The following ANTXR2 variants were observed in gnomAD, a reference collection of about 807,000 sequenced individuals.
The protein encoded by ANTXR2 is anthrax toxin receptor 2.
In ANTXR2, 44 loss-of-function variants were observed where a neutral mutation model predicts 73.7. That is an observed-to-expected ratio of 0.60 (90% CI 0.47 to 0.77). The LOEUF (loss-of-function observed/expected upper bound fraction) is 0.77. Among genes scored for constraint, ANTXR2 ranks in the 30% least tolerant of loss-of-function variants. The probability of loss-of-function intolerance (pLI) is 0.00; values close to 1 mark genes in which losing one functional copy is unlikely to be tolerated. For missense variants in ANTXR2, 604 were observed against 592.5 expected, an observed-to-expected ratio of 1.02 and a Z score of -0.20; for synonymous variants, 217 against 205.9, an observed-to-expected ratio of 1.05 and a Z score of -0.46.
At chr4:80,033,687 A>T (rs1732813029) in intron 8 of ANTXR2, 117 bp from the exon 9 acceptor site, 1 of 705,976 alleles carries the variant, frequency 1.4e-6, no homozygotes, top group African/African-American at 1.9e-5. Context: ...CTATTCAGTT[A>T]ACTAATAGCA....
intron 7 of ANTXR2, among the ~76,000 whole-genome samples, chr4:80,049,056 A>G (rs1733650333): frequency 6.6e-6 from 1 of 151,700 alleles, no homozygotes; most frequent in African/African-American, 2.4e-5. Flanking sequence ...TCTTTTGGAC[A>G]AGGGTTATTT....
chr4:79,924,428 CT>C (rs1459497527), intron 16 of ANTXR2, among the ~76,000 whole-genome samples: 1 of 152,044 alleles, frequency 6.6e-6, no homozygotes, highest in Non-Finnish European at 1.5e-5. Flanking sequence ...AAGTTTGAGG[CT>C]GCAGTGAGCT....
chr4:80,018,771 T>C, intron 11 of ANTXR2, 127 bp downstream of exon 11: 1 of 784,506 alleles, frequency 1.3e-6, no homozygotes, highest in Non-Finnish European at 1.9e-6. Flanking sequence ...AATTTTTCCT[T>C]GTAATGGTCT....
At chr4:80,015,056 A>G (rs1397660825) in intron 11 of ANTXR2, among the ~76,000 whole-genome samples, 1 of 152,180 alleles carries the variant, frequency 6.6e-6, no homozygotes, top group African/African-American at 2.4e-5. Context: ...CTTCAAAATG[A>G]CATTAACTCT....
chr4:79,903,179 A>C lies in ANTXR2; in HGVS notation c.*4250T>G, dbSNP rs1419246082. ...AAAGAAAAAAAATCTAGTCAGTGCT[A>C]AAAGGAACTTTTGATATCTTCATTC... is the stretch of plus-strand genomic sequence containing the variant. On this transcript the variant is annotated 3_prime_UTR_variant, in exon 17 of 17. Transcript: ENST00000403729. 6.6e-6 allele frequency: 1 copy of C among 152,056 alleles called. No individual in the cohort carries two copies. Among genetic ancestry groups the C allele is most frequent in the Admixed American group, 6.6e-5 (1 of 15,214 alleles). 9.4% of individuals were successfully genotyped at this position (152,056 alleles called of 1,614,324 possible).
chr4:79,984,790 C>T (rs773531089), intron 13 of ANTXR2, 29 bp downstream of exon 13: 2 of 1,586,870 alleles, frequency 1.3e-6, no homozygotes, highest in South Asian at 1.1e-5. Flanking sequence ...AAAAAAACAG[C>T]CATATCAGTT....
chr4:79,977,247 C>G (rs1321004149), intron 16 of ANTXR2, among the ~76,000 whole-genome samples: 5 of 152,178 alleles, frequency 3.3e-5, no homozygotes, highest in African/African-American at 1.2e-4. Context: ...GAGGCCTTTG[C>G]CCTAGGCCTT....
intron 9 of ANTXR2, 116 bp from the exon 10 acceptor site, chr4:80,031,808 T>G: frequency 2.0e-6 from 1 of 507,102 alleles, no homozygotes; most frequent in Non-Finnish European, 3.2e-6. Flanking sequence ...CTAGATATAT[T>G]AACATAAAAA....
chr4:79,923,179 T>G (rs1727655154), intron 16 of ANTXR2, among the ~76,000 whole-genome samples: 1 of 152,106 alleles, frequency 6.6e-6, no homozygotes, highest in South Asian at 2.1e-4. Flanking sequence ...AGCATATAAT[T>G]GATATTGCAT....
At chr4:80,061,282 C>CACTGTG (rs2110114862) in intron 3 of ANTXR2, among the ~76,000 whole-genome samples, 1 of 94,576 alleles carries the variant, frequency 1.1e-5, no homozygotes, top group Non-Finnish European at 2.3e-5. Flanking sequence ...GTGTGTGTGC[C>CACTGTG]TCTGTGTGTG....
intron 7 of ANTXR2, among the ~76,000 whole-genome samples, chr4:80,053,610 T>C (rs1460982482): frequency 6.6e-6 from 1 of 151,656 alleles, no homozygotes. Context: ...AAATACTTAA[T>C]AGCAACTGTT....
At chr4:80,023,217 G>A (rs1732256499) in intron 10 of ANTXR2, among the ~76,000 whole-genome samples, 1 of 152,102 alleles carries the variant, frequency 6.6e-6, no homozygotes, top group South Asian at 2.1e-4. Context: ...TATAATGTCA[G>A]GCAGTTTCAT....
intron 11 of ANTXR2, among the ~76,000 whole-genome samples, chr4:80,011,273 ATC>A (rs1731562867): frequency 9.7e-5 from 2 of 20,686 alleles, no homozygotes; most frequent in Non-Finnish European, 1.5e-4. Flanking sequence ...TGGTCTTGCT[ATC>A]TATCTATCTA....
intron 12 of ANTXR2, among the ~76,000 whole-genome samples, chr4:80,008,173 G>GT (rs1731399719): frequency 1.3e-5 from 2 of 152,148 alleles, no homozygotes; most frequent in African/African-American, 4.8e-5. Flanking sequence ...TAAAAAAACT[G>GT]ACAAATTATC....
At chr4:79,990,337 A>C (rs1730402800) in intron 12 of ANTXR2, among the ~76,000 whole-genome samples, 1 of 141,382 alleles carries the variant, frequency 7.1e-6, no homozygotes, top group South Asian at 2.3e-4. Flanking sequence ...GTATACCAAT[A>C]ATGTCCAAGC....
chr4:79,911,957 A>G (rs893466344), intron 16 of ANTXR2, among the ~76,000 whole-genome samples: 2 of 151,980 alleles, frequency 1.3e-5, no homozygotes, highest in Non-Finnish European at 2.9e-5. Flanking sequence ...TAAATCATTG[A>G]ATCATAAACT....
intron 16 of ANTXR2, among the ~76,000 whole-genome samples, chr4:79,930,848 T>C (rs1728027495): frequency 6.6e-6 from 1 of 152,228 alleles, no homozygotes; most frequent in Non-Finnish European, 1.5e-5. Context: ...TCAACATCTA[T>C]TTTTACTGAT....
rs536752984 is a variant in ANTXR2, at chr4:79,905,852, C to A, written c.*1577G>T. 6.6e-6 allele frequency: 1 copy of A among 152,650 alleles called. No individual in the cohort carries two copies. The highest frequency in any genetic ancestry group is 2.1e-4 in the South Asian group (1 of 4,824). 9.5% of individuals were successfully genotyped at this position (152,650 alleles called of 1,614,324 possible). A position where few individuals can be genotyped will look rare whatever the true frequency, so the allele number is the denominator to read the frequency against. On this transcript the variant is annotated 3_prime_UTR_variant, in exon 17 of 17. Coordinates refer to ENST00000403729, the MANE Select transcript of ANTXR2 (RefSeq NM_058172.6). ...TTTCCATCTTGTGCACTCACATGCC[C>A]GCCAAACATGAAATGTTCGCCTTCT...
intron 16 of ANTXR2, among the ~76,000 whole-genome samples, chr4:79,925,821 T>C (rs1440923593): frequency 1.3e-5 from 2 of 152,122 alleles, no homozygotes; most frequent in Admixed American, 6.6e-5. Flanking sequence ...GTGGTGTCTA[T>C]GAACAAGTTA....
Sources: gnomAD v4.1 joint callset for allele counts (sites outside exome capture counted in the v4.1 genomes callset) on GRCh38, gnomAD v4.1.1 for gene constraint, MANE v1.5 for transcripts, NCBI Gene and HGNC (gene_info 2026-07-23, HGNC 2026-07-21) for gene names.